PLCH1: variants seen among roughly 807,000 people sequenced by gnomAD.
PLCH1 encodes the protein phospholipase C eta 1.
Under a neutral mutation model 126.7 loss-of-function variants are expected in PLCH1, and 60 were observed. The observed-to-expected ratio is 0.47, with a 90% CI of 0.38 to 0.59. The LOEUF is 0.59. Among genes scored for constraint, PLCH1 ranks in the 20% least tolerant of loss-of-function variants. The pLI, the probability that PLCH1 is intolerant of heterozygous loss-of-function variation, is 0.00. For missense variants in PLCH1, 1,723 were observed against 2,040.0 expected (o/e 0.84, Z 2.99); for synonymous variants, 719 against 734.9 (o/e 0.98, Z 0.35).
rs75780539 is a variant in PLCH1, at chr3:155,649,689, G to A, written c.80-53311C>T. ...ACCATTCAAAGCCCAGTAAGAAGTA[G>A]AATTAATGGCCGGGCGCGGTGGCTC... On this transcript the variant is annotated intron_variant, in intron 2 of 22. Transcript: ENST00000460012. Among the ~76,000 whole-genome samples, 354 of 152,288 alleles carry A rather than the reference G, an allele frequency of 2.3e-3. 4 individuals carry two copies. Among genetic ancestry groups the A allele is most frequent in the African/African-American group, 7.7e-3 (322 of 41,566 alleles).
At chr3:155,722,046 C>CA (rs890226683) in intron 1 of PLCH1, among the ~76,000 whole-genome samples, 15 of 151,342 alleles carry the variant, frequency 9.9e-5, no homozygotes, top group African/African-American at 3.4e-4. Context: ...GACTCTGTCT[C>CA]AAAAAAAATA....
At chr3:155,634,394 T>G (rs1455376166) in intron 2 of PLCH1, among the ~76,000 whole-genome samples, 1 of 152,140 alleles carries the variant, frequency 6.6e-6, no homozygotes, top group Non-Finnish European at 1.5e-5. Context: ...GGGAAAAGCC[T>G]CTTTTCCCCC....
intron 2 of PLCH1, among the ~76,000 whole-genome samples, chr3:155,660,762 G>C (rs1207083820): frequency 6.6e-6 from 1 of 152,004 alleles, no homozygotes; most frequent in Non-Finnish European, 1.5e-5. Context: ...AAATCAACAT[G>C]CCCCTTTTTT....
At chr3:155,584,046 A>G (rs1347326433) in intron 5 of PLCH1, among the ~76,000 whole-genome samples, 1 of 152,128 alleles carries the variant, frequency 6.6e-6, no homozygotes, top group Non-Finnish European at 1.5e-5. Context: ...ACTAGAGAGC[A>G]AAGATTTTAA....
chr3:155,585,332 T>C (rs796995110), intron 5 of PLCH1, among the ~76,000 whole-genome samples: 48 of 152,318 alleles, frequency 3.2e-4, no homozygotes, highest in African/African-American at 1.1e-3. Flanking sequence ...AAGTATCACC[T>C]AGAAAATCAT....
intron 2 of PLCH1, among the ~76,000 whole-genome samples, chr3:155,668,881 G>T (rs1206142183): frequency 6.6e-6 from 1 of 152,192 alleles, no homozygotes; most frequent in Non-Finnish European, 1.5e-5. Context: ...CTCAGAGAGA[G>T]ACTCAGTCTA....
At chr3:155,665,042 T>C (rs1056238609) in intron 2 of PLCH1, among the ~76,000 whole-genome samples, 4 of 147,838 alleles carry the variant, frequency 2.7e-5, no homozygotes, top group African/African-American at 7.4e-5. Flanking sequence ...CCAGTGGAAT[T>C]TGGGCATTGC....
At chr3:155,542,933 G>A (rs182848086) in intron 10 of PLCH1, among the ~76,000 whole-genome samples, 7,507 of 152,114 alleles carry the variant, frequency 0.049, 223 homozygotes, top group Middle Eastern at 0.092. Flanking sequence ...CCACAAAGAT[G>A]GGGAAAAAAC....
intron 4 of PLCH1, among the ~76,000 whole-genome samples, chr3:155,593,618 A>G (rs1469662293): frequency 6.6e-6 from 1 of 152,214 alleles, no homozygotes; most frequent in African/African-American, 2.4e-5. Context: ...CTATGATTTA[A>G]AAGAGGCAAT....
At position 155,480,126 on chromosome 3, in the gene PLCH1, G is replaced by C. The variant is rs1713787492; in HGVS notation, c.*842C>G. The C allele has an allele frequency of 6.6e-6, 1 of 152,592 alleles. No individual in the cohort carries two copies. Among genetic ancestry groups the C allele is most frequent in the Non-Finnish European group, 1.5e-5 (1 of 68,038 alleles). 9.5% of individuals were successfully genotyped at this position (152,592 alleles called of 1,614,324 possible). A position where few individuals can be genotyped will look rare whatever the true frequency, so the allele number is the denominator to read the frequency against. On this transcript the variant is annotated 3_prime_UTR_variant, in exon 23 of 23. Coordinates refer to ENST00000460012, the MANE Select transcript of PLCH1 (RefSeq NM_014996.4). ...GAAAATATTCTGTGAAAGCTTTGGG[G>C]AAGTTTTCAATTTGTGCTACTATTA...
intron 12 of PLCH1, among the ~76,000 whole-genome samples, chr3:155,512,857 G>C (rs895209416): frequency 6.6e-6 from 1 of 152,206 alleles, no homozygotes; most frequent in Non-Finnish European, 1.5e-5. Context: ...TATGGCAGTG[G>C]TGTGAATGAG....
chr3:155,730,208 GAGA>G (rs1475077717), intron 1 of PLCH1, among the ~76,000 whole-genome samples: 3 of 151,596 alleles, frequency 2.0e-5, no homozygotes, highest in African/African-American at 7.3e-5. Flanking sequence ...CAAGGAAATA[GAGA>G]AGGAGATGGG....
chr3:155,537,362 A>T (rs1281124689), intron 10 of PLCH1, among the ~76,000 whole-genome samples: 1 of 152,102 alleles, frequency 6.6e-6, no homozygotes, highest in Non-Finnish European at 1.5e-5. Context: ...CAGGCAAAAA[A>T]AACTAGCAAA....
At chr3:155,573,788 G>A (rs1729564082) in intron 6 of PLCH1, among the ~76,000 whole-genome samples, 2 of 152,138 alleles carry the variant, frequency 1.3e-5, no homozygotes, top group African/African-American at 4.8e-5. Context: ...TGGAAGGAGT[G>A]GCAAAGGTGC....
chr3:155,632,434 A>G (rs1738164350), intron 2 of PLCH1, among the ~76,000 whole-genome samples: 1 of 152,218 alleles, frequency 6.6e-6, no homozygotes, highest in African/African-American at 2.4e-5. Context: ...ATATCCATGA[A>G]CAAATCAGCT....
chr3:155,516,186 T>C (rs1720284290), intron 11 of PLCH1, among the ~76,000 whole-genome samples: 1 of 152,196 alleles, frequency 6.6e-6, no homozygotes, highest in African/African-American at 2.4e-5. Context: ...AACACCCTCC[T>C]GTCATGCTAG....
At chr3:155,557,887 C>T (rs1175058550) in intron 8 of PLCH1, among the ~76,000 whole-genome samples, 1 of 152,044 alleles carries the variant, frequency 6.6e-6, no homozygotes, top group Non-Finnish European at 1.5e-5. Context: ...AGTCATAAAC[C>T]GATTACAACA....
chr3:155,473,429 TACAA>T (rs1442881559), intron 21 of PLCH1, among the ~76,000 whole-genome samples: 2 of 151,856 alleles, frequency 1.3e-5, no homozygotes, highest in Non-Finnish European at 2.9e-5. Context: ...TAAAAGAGGA[TACAA>T]ACAAACGGAA....
intron 13 of PLCH1, among the ~76,000 whole-genome samples, chr3:155,502,496 T>C (rs887807495): frequency 6.6e-6 from 1 of 152,226 alleles, no homozygotes; most frequent in African/African-American, 2.4e-5. Context: ...TAATGACAAG[T>C]TGCAATCCAG....
Sources: gnomAD v4.1 joint callset for allele counts (sites outside exome capture counted in the v4.1 genomes callset) on GRCh38, gnomAD v4.1.1 for gene constraint, MANE v1.5 for transcripts, NCBI Gene and HGNC (gene_info 2026-07-23, HGNC 2026-07-21) for gene names.